The following CDH8 variants were observed in gnomAD, a reference collection of about 807,000 sequenced individuals.
CDH8 encodes the protein cadherin 8.
CDH8 carries 17 observed loss-of-function variants against 68.1 expected under a neutral mutation model. The observed-to-expected ratio is 0.25, with a 90% CI of 0.17 to 0.37. The LOEUF (loss-of-function observed/expected upper bound fraction) is 0.37, where lower values mean the gene tolerates loss of function less well. Ranked by LOEUF, CDH8 falls within the 10% of genes least tolerant of loss-of-function variation. The pLI, the probability that CDH8 is intolerant of heterozygous loss-of-function variation, is 1.00. For synonymous variants in CDH8, 372 were observed against 365.1 expected, an observed-to-expected ratio of 1.02 and a Z score of -0.21; for missense variants, 763 against 999.3, an observed-to-expected ratio of 0.76 and a Z score of 3.19.
chr16:61,947,509 G>A (rs540075579), intron 2 of CDH8, among the ~76,000 whole-genome samples: 1 of 152,266 alleles, frequency 6.6e-6, no homozygotes, highest in African/African-American at 2.4e-5. Flanking sequence ...TCTCATTCTA[G>A]GTTGAATTTT....
chr16:61,739,634 T>C (rs949704306), intron 8 of CDH8, among the ~76,000 whole-genome samples: 2 of 151,146 alleles, frequency 1.3e-5, no homozygotes, highest in Non-Finnish European at 2.9e-5. Context: ...CAACCTAATA[T>C]GTTGAAGAAG....
chr16:61,659,421 G>A (rs773563070), intron 10 of CDH8, among the ~76,000 whole-genome samples: 1 of 152,190 alleles, frequency 6.6e-6, no homozygotes, highest in Non-Finnish European at 1.5e-5. Context: ...CGAGCAGTTG[G>A]AGGACGATTT....
At chr16:61,721,881 TTATATC>T (rs1349427888) in intron 9 of CDH8, among the ~76,000 whole-genome samples, 1 of 150,790 alleles carries the variant, frequency 6.6e-6, no homozygotes, top group Non-Finnish European at 1.5e-5. Flanking sequence ...GTCTCAGCTT[TTATATC>T]TATAACATGT....
chr16:61,835,660 T>G (rs1214949545), intron 4 of CDH8, among the ~76,000 whole-genome samples: 1 of 151,956 alleles, frequency 6.6e-6, no homozygotes, highest in Non-Finnish European at 1.5e-5. Flanking sequence ...TGAAAACATT[T>G]CCAGGGACAC....
chr16:61,743,272 G>GA (rs1959925493), intron 8 of CDH8: 1 of 152,102 alleles, frequency 6.6e-6, no homozygotes, highest in Admixed American at 6.6e-5. Context: ...TCTATCACGG[G>GA]AGCACAGCTA....
chr16:61,931,500 C>A (rs1340737545), intron 2 of CDH8, among the ~76,000 whole-genome samples: 1 of 151,996 alleles, frequency 6.6e-6, no homozygotes, highest in Non-Finnish European at 1.5e-5. Context: ...CTAAAAAAAA[C>A]ATTCATTAGG....
chr16:61,860,643 A>T (rs528561617), intron 3 of CDH8, among the ~76,000 whole-genome samples: 53 of 152,206 alleles, frequency 3.5e-4, no homozygotes, highest in African/African-American at 1.2e-3. Flanking sequence ...GAAAAAAAAA[A>T]TAAGTCAAGA....
chr16:61,911,706 C>T (rs775122085), intron 2 of CDH8, among the ~76,000 whole-genome samples: 15 of 151,230 alleles, frequency 9.9e-5, no homozygotes, highest in African/African-American at 2.4e-4. Context: ...ATATGGATAC[C>T]GATATCCATC....
chr16:61,709,780 A>G (rs1964597530), intron 10 of CDH8, among the ~76,000 whole-genome samples: 1 of 152,130 alleles, frequency 6.6e-6, no homozygotes. Context: ...GGAATCCTGC[A>G]GCTATTTCTG....
At chr16:62,020,862 C>G (rs184222023) in intron 2 of CDH8, among the ~76,000 whole-genome samples, 1 of 152,144 alleles carries the variant, frequency 6.6e-6, no homozygotes, top group East Asian at 1.9e-4. Flanking sequence ...TGAGATCTCT[C>G]TCGTGTGAGT....
At chr16:61,716,829 T>A (rs1173394351) in intron 9 of CDH8, among the ~76,000 whole-genome samples, 1 of 151,804 alleles carries the variant, frequency 6.6e-6, no homozygotes, top group Non-Finnish European at 1.5e-5. Flanking sequence ...AGTAGGTCAC[T>A]TGAAGGACTT....
At chr16:61,675,885 ATAT>A (rs1438581060) in intron 10 of CDH8, among the ~76,000 whole-genome samples, 1 of 151,228 alleles carries the variant, frequency 6.6e-6, no homozygotes, top group East Asian at 1.9e-4. Context: ...ACTAATGACA[ATAT>A]TAATAATAAT....
intron 2 of CDH8, among the ~76,000 whole-genome samples, chr16:61,918,044 T>A (rs1363325527): frequency 3.6e-5 from 5 of 138,274 alleles, no homozygotes; most frequent in Non-Finnish European, 7.8e-5. Flanking sequence ...TGCTGCCACC[T>A]TAGTACCAAT....
chr16:61,800,138 C>A (rs143776178), intron 7 of CDH8, among the ~76,000 whole-genome samples: 1 of 152,152 alleles, frequency 6.6e-6, no homozygotes, highest in Non-Finnish European at 1.5e-5. Flanking sequence ...GTCTCTCAAC[C>A]TTAAAACTAG....
chr16:61,676,137 C>A (rs1368206906), intron 10 of CDH8, among the ~76,000 whole-genome samples: 1 of 129,510 alleles, frequency 7.7e-6, no homozygotes. Context: ...ACAAACTACA[C>A]ACACACTCAA....
At chr16:61,739,298 T>A (rs906856041) in intron 8 of CDH8, among the ~76,000 whole-genome samples, 2 of 152,142 alleles carry the variant, frequency 1.3e-5, no homozygotes, top group African/African-American at 4.8e-5. Context: ...AATGTTCAGA[T>A]TAAACATTCA....
At chr16:61,828,252 A>G (rs1257245897) in intron 4 of CDH8, among the ~76,000 whole-genome samples, 1 of 151,902 alleles carries the variant, frequency 6.6e-6, no homozygotes, top group African/African-American at 2.4e-5. Context: ...ATGGTCTACG[A>G]AAGGGGAGGA....
chr16:61,903,091 G>A (rs900547049), intron 2 of CDH8, among the ~76,000 whole-genome samples: 1 of 152,200 alleles, frequency 6.6e-6, no homozygotes, highest in East Asian at 1.9e-4. Context: ...ACACAGAAGG[G>A]ATCAGTATGT....
intron 2 of CDH8, among the ~76,000 whole-genome samples, chr16:62,002,931 T>C (rs968738743): frequency 1.3e-5 from 2 of 152,108 alleles, no homozygotes; most frequent in African/African-American, 4.8e-5. Flanking sequence ...CAGGCACCTG[T>C]AGTCCCAACT....
Sources: allele counts gnomAD v4.1 joint callset (sites outside exome capture counted in the v4.1 genomes callset), GRCh38; gene constraint gnomAD v4.1.1; transcripts MANE v1.5; gene names NCBI Gene and HGNC (gene_info 2026-07-23, HGNC 2026-07-21).